The following KIAA1217 variants were observed in gnomAD, a reference collection of about 807,000 sequenced individuals.
KIAA1217 encodes the protein KIAA1217.
Under a neutral mutation model 163.9 loss-of-function variants are expected in KIAA1217, and 88 were observed. That is an observed-to-expected ratio of 0.54 (90% CI 0.45 to 0.64). The LOEUF is 0.64. KIAA1217 is among the 30% of genes least tolerant of loss of function. The pLI is 0.00. For synonymous variants in KIAA1217, 903 were observed against 923.1 expected, an observed-to-expected ratio of 0.98 and a Z score of 0.39; for missense variants, 2,372 against 2,475.0, an observed-to-expected ratio of 0.96 and a Z score of 0.88.
intron 2 of KIAA1217, among the ~76,000 whole-genome samples, chr10:24,289,540 G>A (rs2078893241): frequency 1.3e-5 from 2 of 152,032 alleles, no homozygotes; most frequent in Non-Finnish European, 2.9e-5. Flanking sequence ...AGGAGGAGGA[G>A]GAAGTTGTAG....
chr10:24,101,790 G>C (rs1485391058), intron 2 of KIAA1217, among the ~76,000 whole-genome samples: 2 of 151,876 alleles, frequency 1.3e-5, no homozygotes, highest in Non-Finnish European at 2.9e-5. Context: ...TTTTGGTTCT[G>C]GTTTTGCTTT....
At chr10:24,266,475 A>G (rs2076249161) in intron 2 of KIAA1217, among the ~76,000 whole-genome samples, 1 of 152,178 alleles carries the variant, frequency 6.6e-6, no homozygotes, top group Admixed American at 6.5e-5. Context: ...AGGTGAAGCC[A>G]GCTGGACTTC....
At chr10:24,422,582 A>T (rs2058821258) in intron 3 of KIAA1217, among the ~76,000 whole-genome samples, 1 of 152,206 alleles carries the variant, frequency 6.6e-6, no homozygotes, top group Non-Finnish European at 1.5e-5. Flanking sequence ...GGACAAGAAG[A>T]CCTATTTGGA....
chr10:24,192,857 T>A (rs887748243), intron 2 of KIAA1217, among the ~76,000 whole-genome samples: 30 of 152,224 alleles, frequency 2.0e-4, no homozygotes, highest in Non-Finnish European at 4.3e-4. Flanking sequence ...CATAGCTCCC[T>A]GTGGCCTCAG....
At chr10:23,968,868 A>G (rs1391290364) in intron 1 of KIAA1217, among the ~76,000 whole-genome samples, 1 of 152,184 alleles carries the variant, frequency 6.6e-6, no homozygotes, top group African/African-American at 2.4e-5. Context: ...TTATTTATCT[A>G]TTCATTGGTT....
chr10:24,002,461 C>T (rs185051123), intron 1 of KIAA1217, among the ~76,000 whole-genome samples: 1 of 152,250 alleles, frequency 6.6e-6, no homozygotes, highest in African/African-American at 2.4e-5. Context: ...ACAAAAATTG[C>T]TCCTGCTGTT....
At chr10:23,869,409 G>A (rs1840355483) in intron 1 of KIAA1217, among the ~76,000 whole-genome samples, 1 of 151,938 alleles carries the variant, frequency 6.6e-6, no homozygotes, top group East Asian at 1.9e-4. Context: ...CAAGTGGGTG[G>A]CAGTGCTGCT....
At chr10:24,428,694 C>G (rs2059360427) in intron 3 of KIAA1217, among the ~76,000 whole-genome samples, 1 of 151,364 alleles carries the variant, frequency 6.6e-6, no homozygotes, top group African/African-American at 2.4e-5. Context: ...CTCATAGGTA[C>G]TAAGGATACA....
intron 1 of KIAA1217, among the ~76,000 whole-genome samples, chr10:23,799,495 T>C (rs1401465634): frequency 6.6e-6 from 1 of 152,232 alleles, no homozygotes; most frequent in Non-Finnish European, 1.5e-5. Context: ...TTTCCTTTGA[T>C]TTTTGGACTT....
At chr10:23,743,931 G>A (rs1447920943) in intron 1 of KIAA1217, among the ~76,000 whole-genome samples, 1 of 152,102 alleles carries the variant, frequency 6.6e-6, no homozygotes, top group African/African-American at 2.4e-5. Context: ...GAGAACCCAG[G>A]AGAGGGAGTA....
chr10:24,174,142 G>C (rs1051729987), intron 2 of KIAA1217, among the ~76,000 whole-genome samples: 18 of 152,220 alleles, frequency 1.2e-4, no homozygotes, highest in African/African-American at 4.1e-4. Flanking sequence ...ATTGTGCATG[G>C]AGACAAGCTT....
intron 2 of KIAA1217, among the ~76,000 whole-genome samples, chr10:24,256,046 CAAAAAAAAAA>C (rs11358712): frequency 2.5e-5 from 2 of 79,098 alleles, no homozygotes; most frequent in Non-Finnish European, 4.6e-5. Context: ...CTCAGATGAC[CAAAAAAAAAA>C]AAAAAAAAAA....
intron 2 of KIAA1217, among the ~76,000 whole-genome samples, chr10:24,229,093 T>G (rs941902271): frequency 1.3e-5 from 2 of 152,218 alleles, no homozygotes; most frequent in African/African-American, 4.8e-5. Flanking sequence ...ATCTGTCATA[T>G]TTGTCTTGGC....
intron 2 of KIAA1217, among the ~76,000 whole-genome samples, chr10:24,067,562 T>C (rs1239382323): frequency 1.3e-5 from 2 of 152,218 alleles, no homozygotes; most frequent in Non-Finnish European, 2.9e-5. Context: ...TACTGGGGGA[T>C]GCCTCCCAGT....
chr10:24,520,213 C>T lies in KIAA1217; in HGVS notation c.2268C>T (p.Phe756=), dbSNP rs939882236. ...TGAAAGACGTGGAAGACGGGGCTTT[C>T]CTCCTGCGTCAAGTGGGAGAGGCTG... ...VTLKDVEDGA[F]LLRQVGEAVA... is the part of the protein sequence containing the mutation. Residue 756 remains phenylalanine (F), a synonymous_variant, in exon 11 of 21, where the codon TTC becomes TTT. Coordinates refer to ENST00000376454, the MANE Select transcript of KIAA1217 (RefSeq NM_019590.5). 1 of 1,614,036 alleles carries T rather than the reference C, an allele frequency of 6.2e-7. No homozygotes were observed. Among genetic ancestry groups the T allele is most frequent in the African/African-American group, 1.3e-5 (1 of 74,918 alleles).
chr10:24,039,797 G>GATAGATATAGATATAGAT (rs71923161), intron 2 of KIAA1217, among the ~76,000 whole-genome samples: 30 of 147,632 alleles, frequency 2.0e-4, no homozygotes, highest in East Asian at 6.1e-4. Flanking sequence ...TATAGATATA[G>GATAGATATAGATATAGAT]ATAGATATAG....
chr10:23,815,694 A>G (rs1837284138), intron 1 of KIAA1217, among the ~76,000 whole-genome samples: 1 of 152,162 alleles, frequency 6.6e-6, no homozygotes, highest in African/African-American at 2.4e-5. Flanking sequence ...ATATTCTTAG[A>G]TGACTACATT....
chr10:23,954,816 T>C (rs1415184329), intron 1 of KIAA1217, among the ~76,000 whole-genome samples: 2 of 152,176 alleles, frequency 1.3e-5, no homozygotes, highest in Non-Finnish European at 2.9e-5. Context: ...GCTGAGTAAC[T>C]GGCCCATGGT....
chr10:24,113,695 A>G (rs551700465), intron 2 of KIAA1217, among the ~76,000 whole-genome samples: 20 of 152,222 alleles, frequency 1.3e-4, no homozygotes, highest in African/African-American at 4.8e-4. Context: ...AGGACCAGGA[A>G]GCTGCTGTCC....
Sources: allele counts gnomAD v4.1 joint callset (sites outside exome capture counted in the v4.1 genomes callset), GRCh38; gene constraint gnomAD v4.1.1; transcripts MANE v1.5; gene names NCBI Gene and HGNC (gene_info 2026-07-23, HGNC 2026-07-21).